PRKAA2: variants seen among roughly 807,000 people sequenced by gnomAD.
PRKAA2 encodes protein kinase AMP-activated catalytic subunit alpha 2.
PRKAA2 carries 40 observed loss-of-function variants against 56.3 expected under a neutral mutation model. The ratio of observed to expected loss-of-function variants is 0.71; its 90% CI spans 0.55 to 0.92. The LOEUF is 0.92. Among genes scored for constraint, PRKAA2 ranks in the 40% least tolerant of loss-of-function variants. PRKAA2 has a pLI of 0.00. For synonymous variants in PRKAA2, 214 were observed against 234.2 expected (o/e 0.91, Z 0.79); for missense variants, 542 against 686.9 (o/e 0.79, Z 2.36).
In PRKAA2 at chr1:56,710,015, C is replaced by A. The variant is rs1644359138; in HGVS notation, c.*2302C>A. The A allele has an allele frequency of 6.6e-6, 1 of 152,040 alleles. No individual in the cohort carries two copies. Among genetic ancestry groups the A allele is most frequent in the Non-Finnish European group, 1.5e-5 (1 of 67,958 alleles). The allele number at this position is 152,040 out of a possible 1,614,324, so 9.4% of individuals were successfully genotyped here. A position where few individuals can be genotyped will look rare whatever the true frequency, so the allele number is the denominator to read the frequency against. ...GGTTTTTAGAAGATTTCAGGAGATGCAGTCCAGCACAATTAGAGCTGGAAC... is the reference window on the plus strand; with the variant it reads ...GGTTTTTAGAAGATTTCAGGAGATGAAGTCCAGCACAATTAGAGCTGGAAC... On this transcript the variant is annotated 3_prime_UTR_variant, in exon 9 of 9. Coordinates refer to ENST00000371244, the MANE Select transcript of PRKAA2 (RefSeq NM_006252.4).
rs1035704300 is a variant in PRKAA2 at position 56,708,282 on chromosome 1, A to T, written c.*569A>T. On this transcript the variant is annotated 3_prime_UTR_variant, in exon 9 of 9. Transcript: ENST00000371244. ...GTACAAATACTGCCTAGTGTATTCAACAGAAGGACTGTGGTCATGTAACAG... is the reference window on the plus strand; with the variant it reads ...GTACAAATACTGCCTAGTGTATTCATCAGAAGGACTGTGGTCATGTAACAG... The T allele has an allele frequency of 1.8e-4, 28 of 153,142 alleles. No homozygotes were observed. The highest frequency in any genetic ancestry group is 6.7e-4 in the African/African-American group (28 of 41,578). 9.5% of individuals were successfully genotyped at this position (153,142 alleles called of 1,614,324 possible).
At chr1:56,703,657 A>C (rs1366516456) in intron 6 of PRKAA2, among the ~76,000 whole-genome samples, 1 of 152,254 alleles carries the variant, frequency 6.6e-6, no homozygotes, top group African/African-American at 2.4e-5. Context: ...CACAAATAAT[A>C]CAAAATTTGA....
At chr1:56,678,293 A>T (rs1230725122) in intron 2 of PRKAA2, among the ~76,000 whole-genome samples, 1 of 152,220 alleles carries the variant, frequency 6.6e-6, no homozygotes, top group East Asian at 1.9e-4. Flanking sequence ...ATCGTCTGTA[A>T]CAGTGTTAGT....
Position 56,710,755 on chromosome 1 carries a change from A to G in PRKAA2, c.*3042A>G, listed in dbSNP as rs1189668998. 3 of 152,124 alleles carry G rather than the reference A, an allele frequency of 2.0e-5. No homozygotes were observed. In the East Asian group the frequency reaches 5.8e-4, roughly 29 times the overall value. 9.4% of individuals were successfully genotyped at this position (152,124 alleles called of 1,614,324 possible). The stretch of plus-strand genomic sequence containing the variant: ...TTTGAGTGCAACATTATTCTTATGC[A>G]TGGGTGACTGAAAAACCTGAAACAA... On this transcript the variant is annotated 3_prime_UTR_variant, in exon 9 of 9. Coordinates refer to ENST00000371244, the MANE Select transcript of PRKAA2 (RefSeq NM_006252.4).
chr1:56,695,203 T>TC (rs1644251496), intron 5 of PRKAA2, among the ~76,000 whole-genome samples: 1 of 138,734 alleles, frequency 7.2e-6, no homozygotes, highest in East Asian at 2.5e-4. Context: ...TATATATATA[T>TC]TTTTTGTTTT....
Position 56,713,005 on chromosome 1 carries a change from G to T in PRKAA2, c.*5292G>T, listed in dbSNP as rs894872186. On this transcript the variant is annotated 3_prime_UTR_variant, in exon 9 of 9. Coordinates refer to ENST00000371244, the MANE Select transcript of PRKAA2 (RefSeq NM_006252.4). ...ATTACATGATATAACTATTTTCATA[G>T]AATATATTTCTAATTTACAAACACT... 2.0e-5 allele frequency: 3 copies of T among 152,060 alleles called. No individual in the cohort carries two copies. The highest frequency in any genetic ancestry group is 6.6e-5 in the Admixed American group (1 of 15,252). 9.4% of individuals were successfully genotyped at this position (152,060 alleles called of 1,614,324 possible). A position where few individuals can be genotyped will look rare whatever the true frequency, so the allele number is the denominator to read the frequency against.
intron 2 of PRKAA2, among the ~76,000 whole-genome samples, chr1:56,688,368 A>G (rs1644206078): frequency 6.6e-6 from 1 of 152,194 alleles, no homozygotes; most frequent in South Asian, 2.1e-4. Flanking sequence ...TTAAATACCT[A>G]CTTTGTTATA....
rs769208078 is a variant in PRKAA2, at chr1:56,712,045, A to G, written c.*4332A>G. 1 of 152,186 alleles carries G rather than the reference A, an allele frequency of 6.6e-6. No homozygotes were observed. The highest frequency in any genetic ancestry group is 1.5e-5 in the Non-Finnish European group (1 of 68,018). 9.4% of individuals were successfully genotyped at this position (152,186 alleles called of 1,614,324 possible). On this transcript the variant is annotated 3_prime_UTR_variant, in exon 9 of 9. Coordinates refer to ENST00000371244, the MANE Select transcript of PRKAA2 (RefSeq NM_006252.4). ...AAAGCATTACAAATTTGGAGTGATG[A>G]AAGTGTTCCATATATTTTTTATAGT...
chr1:56,693,915 C>T (rs1166167729), intron 5 of PRKAA2, 63 bp downstream of exon 5: 1 of 1,125,966 alleles, frequency 8.9e-7, no homozygotes, highest in South Asian at 1.6e-5. Flanking sequence ...CATTTAATTA[C>T]AATATATTCT....
rs117811111 is a variant in PRKAA2 at position 56,694,932 on chromosome 1, C to T, written c.564-1003C>T. Reference sequence around the variant, plus strand: ...TAAAGATTTACTTTGTTACCTCAGACCCAGGTTTGAGTATGGTAATATGCT... The same window carrying T: ...TAAAGATTTACTTTGTTACCTCAGATCCAGGTTTGAGTATGGTAATATGCT... On this transcript the variant is annotated intron_variant, in intron 5 of 8. Coordinates refer to ENST00000371244, the MANE Select transcript of PRKAA2 (RefSeq NM_006252.4). 4.4e-4 allele frequency among the ~76,000 whole-genome samples: 67 copies of T among 151,838 alleles called. No homozygotes were observed. In the East Asian group the frequency reaches 0.011, roughly 25 times the overall value.
Position 56,714,227 on chromosome 1 carries a change from A to T in PRKAA2, c.*6514A>T, listed in dbSNP as rs1644390593. ...GTCAAGGAAACAACTCAGAGCTAAGAACAAAATCTAACTTGGAATCAGTTT... is the reference window on the plus strand; with the variant it reads ...GTCAAGGAAACAACTCAGAGCTAAGTACAAAATCTAACTTGGAATCAGTTT... On this transcript the variant is annotated 3_prime_UTR_variant, in exon 9 of 9. Transcript: ENST00000371244. 1 of 152,196 alleles carries T rather than the reference A, an allele frequency of 6.6e-6. No individual in the cohort carries two copies. Among genetic ancestry groups the T allele is most frequent in the Non-Finnish European group, 1.5e-5 (1 of 68,020 alleles). The allele number at this position is 152,196 out of a possible 1,614,324, so 9.4% of individuals were successfully genotyped here.
chr1:56,706,947 G>A (rs1002955324), intron 8 of PRKAA2, among the ~76,000 whole-genome samples: 9 of 152,078 alleles, frequency 5.9e-5, no homozygotes, highest in South Asian at 2.1e-4. Context: ...CTGTTTCATC[G>A]AAATTACATG....
chr1:56,661,257 A>G (rs1024892381), intron 1 of PRKAA2, among the ~76,000 whole-genome samples: 6 of 152,100 alleles, frequency 3.9e-5, no homozygotes, highest in Non-Finnish European at 8.8e-5. Flanking sequence ...GTAAATTCTC[A>G]ATAAATTTTC....
chr1:56,695,453 A>G (rs2100427488), intron 5 of PRKAA2, among the ~76,000 whole-genome samples: 1 of 152,128 alleles, frequency 6.6e-6, no homozygotes, highest in Non-Finnish European at 1.5e-5. Context: ...AGCCTCCCAA[A>G]GTACTAGGAT....
chr1:56,677,139 G>A (rs1644119300), intron 2 of PRKAA2, among the ~76,000 whole-genome samples: 1 of 152,098 alleles, frequency 6.6e-6, no homozygotes, highest in African/African-American at 2.4e-5. Context: ...CTTTAAAATG[G>A]GACACCTCAT....
chr1:56,695,158 C>A lies in PRKAA2; in HGVS notation c.564-777C>A, dbSNP rs997047879. ...TTAAGTACTTTAATGTTTTAAATATCTCTCTCTCTATATATATGATATATT... is the reference window on the plus strand; with the variant it reads ...TTAAGTACTTTAATGTTTTAAATATATCTCTCTCTATATATATGATATATT... On this transcript the variant is annotated intron_variant, in intron 5 of 8. Transcript: ENST00000371244. Among the ~76,000 whole-genome samples the A allele has an allele frequency of 5.8e-5, 8 of 138,602 alleles. No homozygotes were observed. In the East Asian group the frequency reaches 6.0e-4, roughly 10 times the overall value. The allele number at this position is 138,602 out of a possible 152,430, so 90.9% of individuals were successfully genotyped here.
At chr1:56,683,333 T>C (rs1360405218) in intron 2 of PRKAA2, among the ~76,000 whole-genome samples, 1 of 152,120 alleles carries the variant, frequency 6.6e-6, no homozygotes, top group African/African-American at 2.4e-5. Context: ...TAATTACTTG[T>C]AGCTCCATAA....
At chr1:56,684,631 C>A (rs1335930555) in intron 2 of PRKAA2, among the ~76,000 whole-genome samples, 1 of 152,072 alleles carries the variant, frequency 6.6e-6, no homozygotes, top group Non-Finnish European at 1.5e-5. Context: ...CCAACTGTCC[C>A]TTTTACTGGT....
intron 6 of PRKAA2, among the ~76,000 whole-genome samples, chr1:56,703,293 G>C (rs1327531252): frequency 6.6e-6 from 1 of 152,066 alleles, no homozygotes; most frequent in Non-Finnish European, 1.5e-5. Context: ...AATTAAAACT[G>C]AGAAATTAAG....
Sources: allele counts gnomAD v4.1 joint callset (sites outside exome capture counted in the v4.1 genomes callset), GRCh38; gene constraint gnomAD v4.1.1; transcripts MANE v1.5; gene names NCBI Gene and HGNC (gene_info 2026-07-23, HGNC 2026-07-21).